Variants in EXOC7 observed in about 807,000 individuals in gnomAD.
EXOC7 encodes the protein exocyst complex component Exo70.
EXOC7 carries 51 observed loss-of-function variants against 87.6 expected under a neutral mutation model. The observed-to-expected ratio is 0.58, with a 90% confidence interval of 0.46 to 0.73. The LOEUF (loss-of-function observed/expected upper bound fraction) is 0.73, where lower values mean the gene tolerates loss of function less well. EXOC7 is among the 30% of genes least tolerant of loss of function. The probability of loss-of-function intolerance (pLI) is 0.00; values close to 1 mark genes in which losing one functional copy is unlikely to be tolerated. For synonymous variants in EXOC7, 327 were observed against 357.1 expected, an observed-to-expected ratio of 0.92 and a Z score of 0.95; for missense variants, 744 against 888.4, an observed-to-expected ratio of 0.84 and a Z score of 2.07.
intron 7 of EXOC7, chr17:76,090,273 G>A: frequency 6.5e-7 from 1 of 1,530,650 alleles, no homozygotes; most frequent in South Asian, 1.2e-5. Flanking sequence ...GGCCATCCGG[G>A]GACCGCTGCG....
chr17:76,102,447 C>G (rs968146252), intron 2 of EXOC7, among the ~76,000 whole-genome samples: 1 of 142,428 alleles, frequency 7.0e-6, no homozygotes, highest in African/African-American at 3.1e-5. Context: ...CACACACACA[C>G]ACACACACAA....
intron 12 of EXOC7, chr17:76,086,733 G>A (rs1034714816): frequency 1.9e-5 from 16 of 831,492 alleles, no homozygotes; most frequent in Admixed American, 2.4e-5. Flanking sequence ...AGAGCACCCC[G>A]AGAAAACTCA....
intron 5 of EXOC7, among the ~76,000 whole-genome samples, chr17:76,097,342 T>C (rs1413813655): frequency 6.6e-6 from 1 of 152,154 alleles, no homozygotes; most frequent in African/African-American, 2.4e-5. Flanking sequence ...CATAGAATGG[T>C]TGCTTATATT....
chr17:76,083,909 C>A (rs1037268290), intron 18 of EXOC7, 97 bp downstream of exon 18: 2 of 1,489,122 alleles, frequency 1.3e-6, no homozygotes, highest in South Asian at 1.3e-5. Context: ...CTGCCTAAAT[C>A]CACCACCCTT....
chr17:76,086,097 A>G lies in EXOC7; in HGVS notation c.1478T>C (p.Leu493Pro), dbSNP rs1453673763. The G allele has an allele frequency of 1.2e-6, 2 of 1,613,856 alleles. No individual in the cohort carries two copies. Among genetic ancestry groups the G allele is most frequent in the Non-Finnish European group, 1.7e-6 (2 of 1,180,040 alleles). Residue 493 changes from leucine to proline, a missense_variant, in exon 13 of 19, where the codon CTG (leucine) becomes CCG (proline). Leu to Pro is a moderately conservative substitution (Grantham distance 98, BLOSUM62 -3). This residue lies in a region of EXOC7 where 228 missense variants were observed against 298.6 expected (regional missense o/e 0.76). Transcript: ENST00000589210. The part of the protein sequence containing the change: ...TSYSSEFSKR[L>P]LSTYICKVLG... The stretch of plus-strand genomic sequence containing the variant: ...ACACTCACAGATATAGGTGCTTAGC[A>G]GCCGCTTGCTGAACTCAGAGCTGTA...
Position 76,103,662 on chromosome 17 carries a change from G to A in EXOC7, c.31C>T (p.Arg11Trp), listed in dbSNP as rs748749630. ...TTCAGCTTGTCCTCAATCTCCCGCC[G>A]TCGAGCGGATGCCTCCTGTGGGGGA... MIPPQEASAR[R>W]REIEDKLKQE... Residue 11 changes from arginine to tryptophan, a missense_variant, in exon 1 of 19, where the codon CGG (arginine) becomes TGG (tryptophan). This residue lies in a region of EXOC7 where 512 missense variants were observed against 573.0 expected (regional missense o/e 0.89). Coordinates refer to ENST00000589210, the MANE Select transcript of EXOC7 (RefSeq NM_001013839.4). 6.2e-7 allele frequency: 1 copy of A among 1,613,226 alleles called. No homozygotes were observed.
chr17:76,094,499 G>A lies in EXOC7; in HGVS notation c.723C>T (p.Ser241=). ...AGTAGGGAACCCCAGAGGAAGAACT[G>A]CTCTTATGGAAATGCTCCTTCAGTC... is the stretch of plus-strand genomic sequence containing the variant. ...IKGLKEHFHK[S]SSSSGVPYSP... Residue 241 remains serine, a synonymous_variant, in exon 6 of 19, where the codon AGC becomes AGT. Coordinates refer to ENST00000589210, the MANE Select transcript of EXOC7 (RefSeq NM_001013839.4). 1 of 1,614,124 alleles carries A rather than the reference G, an allele frequency of 6.2e-7. No homozygotes were observed. The highest frequency in any genetic ancestry group is 2.2e-5 in the East Asian group (1 of 44,888).
Position 76,101,683 on chromosome 17 carries a change from C to A in EXOC7, c.307G>T (p.Glu103Ter). ...CTCTGGGCCTCACTCACTCACCCCTCTCTGATGATCTTCTCAGTGTCACTG... is the reference window on the plus strand; with the variant it reads ...CTCTGGGCCTCACTCACTCACCCCTATCTGATGATCTTCTCAGTGTCACTG... ...VASDTEKIIR[E>*]GPTGRLEEYL... The change falls in exon 3 of 19, where the codon GAG (glutamate) becomes TAG (stop). Residue 103 changes from glutamate to a stop codon, truncating the protein, a stop_gained. Transcript: ENST00000589210. LOFTEE classifies it high-confidence loss of function. 1 of 1,612,172 alleles carries A rather than the reference C, an allele frequency of 6.2e-7. No individual in the cohort carries two copies. Among genetic ancestry groups the A allele is most frequent in the Non-Finnish European group, 8.5e-7 (1 of 1,178,866 alleles).
At chr17:76,098,344 C>G (rs1259273762) in intron 4 of EXOC7, among the ~76,000 whole-genome samples, 3 of 151,630 alleles carry the variant, frequency 2.0e-5, no homozygotes, top group Non-Finnish European at 4.4e-5. Flanking sequence ...ACCATGTTGG[C>G]AGGATGGTCT....
In EXOC7 at chr17:76,094,480, G is replaced by A; in HGVS notation, c.742C>T (p.Pro248Ser). 6.2e-7 allele frequency: 1 copy of A among 1,614,144 alleles called. No individual in the cohort carries two copies. Among genetic ancestry groups the A allele is most frequent in the Non-Finnish European group, 8.5e-7 (1 of 1,180,026 alleles). The change falls in exon 6 of 19, where the codon CCC becomes TCC. Residue 248 changes from proline to serine, a missense_variant. Physicochemically the swap from Pro to Ser is moderately conservative, Grantham distance 74. This residue lies in a region of EXOC7 where 512 missense variants were observed against 573.0 expected (regional missense o/e 0.89). Transcript: ENST00000589210. ...FHKSSSSSGV[P>S]YSPAIPNKRK... ...TTGTTGGGGATAGCAGGGGAGTAGGGAACCCCAGAGGAAGAACTGCTCTTA... is the reference window on the plus strand; with the variant it reads ...TTGTTGGGGATAGCAGGGGAGTAGGAAACCCCAGAGGAAGAACTGCTCTTA...
rs373637080 is a variant in EXOC7 at position 76,081,514 on chromosome 17, G to C, written c.*2134C>G. On this transcript the variant is annotated 3_prime_UTR_variant, in exon 19 of 19. Transcript: ENST00000589210. ...CCCGATGCCCACCTCCTTCCCCCCC[G>C]CCGGGAAGGCCCTGACTTTTCCCCT... 61 of 1,610,426 alleles carry C rather than the reference G, an allele frequency of 3.8e-5. No homozygotes were observed. Among genetic ancestry groups the C allele is most frequent in the Non-Finnish European group, 4.9e-5 (58 of 1,178,774 alleles).
At position 76,091,133 on chromosome 17, in the gene EXOC7, G is replaced by C; in HGVS notation, c.901+10C>G. ...GAGGAAGGGACAGGAGGGGAACACA[G>C]GGTGATTACCTTCCAGAGGAATGAG... On this transcript the variant is annotated intron_variant, in intron 7 of 18. Transcript: ENST00000589210. 6.2e-7 allele frequency: 1 copy of C among 1,608,772 alleles called. No individual in the cohort carries two copies. The highest frequency in any genetic ancestry group is 8.5e-7 in the Non-Finnish European group (1 of 1,175,090).
At chr17:76,085,160 C>T (rs2067153170) in intron 15 of EXOC7, 154 bp downstream of exon 15, 2 of 672,152 alleles carry the variant, frequency 3.0e-6, no homozygotes, top group Non-Finnish European at 2.6e-6. Context: ...GCTTCTCTCT[C>T]CACCCCGTGA....
intron 15 of EXOC7, chr17:76,084,982 G>A (rs2043387169): frequency 2.2e-6 from 1 of 460,168 alleles, no homozygotes; most frequent in South Asian, 2.6e-5. Flanking sequence ...CACAGAGCAA[G>A]GCTCAGCCAC....
chr17:76,103,287 G>A, intron 2 of EXOC7, 74 bp downstream of exon 2: 3 of 1,425,548 alleles, frequency 2.1e-6, no homozygotes, highest in Non-Finnish European at 2.9e-6. Flanking sequence ...CGCAGGAACC[G>A]GAACCGCCAG....
In EXOC7 at chr17:76,081,865, T is replaced by G. The variant is rs1282779081; in HGVS notation, c.*1783A>C. 6.2e-7 allele frequency: 1 copy of G among 1,608,502 alleles called. No individual in the cohort carries two copies. Among genetic ancestry groups the G allele is most frequent in the African/African-American group, 1.3e-5 (1 of 74,858 alleles). ...GGACTGGCCCCTGAGCATCTCCCTG[T>G]GCCCTGCCTCCCCCAGTTTACTACT... On this transcript the variant is annotated 3_prime_UTR_variant, in exon 19 of 19. Coordinates refer to ENST00000589210, the MANE Select transcript of EXOC7 (RefSeq NM_001013839.4).
At chr17:76,101,566 T>C in intron 3 of EXOC7, 113 bp downstream of exon 3, 1 of 1,393,544 alleles carries the variant, frequency 7.2e-7, no homozygotes, top group Non-Finnish European at 9.8e-7. Context: ...CTTGAACTCC[T>C]AGTCTCAAGC....
intron 14 of EXOC7, 70 bp downstream of exon 14, chr17:76,085,607 C>T: frequency 6.2e-6 from 10 of 1,610,524 alleles, no homozygotes; most frequent in Non-Finnish European, 8.5e-6. Flanking sequence ...CCCAGGGGGG[C>T]AGGGGCTGGC....
chr17:76,086,146 C>G lies in EXOC7; in HGVS notation c.1430-1G>C. ...TAGCTGGTGGCCGAAGAGCTGGTCT[C>G]TGTGAGAGGAGAAGTCCTGTTATTG... On this transcript the variant is annotated splice_acceptor_variant, in intron 12 of 18. Coordinates refer to ENST00000589210, the MANE Select transcript of EXOC7 (RefSeq NM_001013839.4). LOFTEE classifies it high-confidence loss of function. 1 of 1,613,516 alleles carries G rather than the reference C, an allele frequency of 6.2e-7. No individual in the cohort carries two copies. The highest frequency in any genetic ancestry group is 8.5e-7 in the Non-Finnish European group (1 of 1,179,982).
Sources: allele counts gnomAD v4.1 joint callset (sites outside exome capture counted in the v4.1 genomes callset), GRCh38; gene constraint gnomAD v4.1.1; regional missense constraint gnomAD v4.1.1; transcripts MANE v1.5; gene names NCBI Gene and HGNC (gene_info 2026-07-23, HGNC 2026-07-21).